The following GAD1 variants were observed in gnomAD, a reference collection of about 807,000 sequenced individuals.
The protein encoded by GAD1 is 67 kDa glutamic acid decarboxylase.
In GAD1, 35 loss-of-function variants were observed where a neutral mutation model predicts 75.2. The observed-to-expected ratio is 0.47, with a 90% confidence interval of 0.36 to 0.62. The LOEUF (loss-of-function observed/expected upper bound fraction) is 0.62, where lower values mean the gene tolerates loss of function less well. Among genes scored for constraint, GAD1 ranks in the 20% least tolerant of loss-of-function variants. The probability of loss-of-function intolerance (pLI) is 0.00; values close to 1 mark genes in which losing one functional copy is unlikely to be tolerated. For synonymous variants in GAD1, 257 were observed against 271.9 expected (o/e 0.95, Z 0.54); for missense variants, 490 against 758.5 (o/e 0.65, Z 4.16).
intron 12 of GAD1, among the ~76,000 whole-genome samples, chr2:170,851,133 A>G (rs1303451752): frequency 1.3e-5 from 2 of 152,182 alleles, no homozygotes; most frequent in Non-Finnish European, 2.9e-5. Context: ...TTCACACTAG[A>G]CTTTTTCTTT....
chr2:170,849,059 C>G (rs1702696986), intron 11 of GAD1: 1 of 605,278 alleles, frequency 1.7e-6, no homozygotes, highest in South Asian at 1.8e-5. Flanking sequence ...CCTGGCCTAG[C>G]TGTATCACTT....
rs757631891 is a variant in GAD1, at chr2:170,836,772, G to A, written c.548-21G>A. 4 of 1,579,018 alleles carry A rather than the reference G, an allele frequency of 2.5e-6. No individual in the cohort carries two copies. In the South Asian group the frequency reaches 3.3e-5, roughly 13 times the overall value. On this transcript the variant is annotated intron_variant, in intron 5 of 16. Transcript: ENST00000358196. Reference sequence around the variant, plus strand: ...TTGAGAAATCTGCATTTGCCTTGATGCTTTTCTGTTTCCTATCTAGGTCAT... The same window carrying A: ...TTGAGAAATCTGCATTTGCCTTGATACTTTTCTGTTTCCTATCTAGGTCAT...
Position 170,818,142 on chromosome 2 carries a change from C to T in GAD1, c.-63-387C>T, listed in dbSNP as rs967394083. ...GTGCCCAATGGGGCTTGTAGCGGCT[C>T]GGCTGGAAAATCGCTCACTGAGCGC... On this transcript the variant is annotated intron_variant, in intron 1 of 16. Transcript: ENST00000358196. The surrounding 1 kb of genome is among the most constrained non-coding windows in gnomAD (Gnocchi z 5.9). 5.0e-5 allele frequency: 9 copies of T among 178,940 alleles called. No homozygotes were observed. In the East Asian group the frequency reaches 8.3e-4, roughly 17 times the overall value. The allele number at this position is 178,940 out of a possible 1,614,324, so 11.1% of individuals were successfully genotyped here.
At chr2:170,834,404 T>C (rs1229769033) in intron 5 of GAD1, among the ~76,000 whole-genome samples, 1 of 152,188 alleles carries the variant, frequency 6.6e-6, no homozygotes, top group African/African-American at 2.4e-5. Flanking sequence ...CCGGGTATAG[T>C]CTGTGAAGAG....
chr2:170,857,027 G>A lies in GAD1; in HGVS notation c.1423G>A (p.Gly475Arg). ...WLMWKAKGTV[G>R]FENQINKCLE... ...TTTCTCTTTAAAACAGGGCACAGTG[G>A]GATTTGAAAACCAGATCAACAAATG... Residue 475 changes from glycine (G) to arginine (R), a missense_variant, in exon 15 of 17, where the codon GGA becomes AGA. Physicochemically the swap from Gly to Arg is moderately radical, Grantham distance 125. Coordinates refer to ENST00000358196, the MANE Select transcript of GAD1 (RefSeq NM_000817.3). The A allele has an allele frequency of 4.3e-6, 7 of 1,613,634 alleles. No homozygotes were observed. The highest frequency in any genetic ancestry group is 5.9e-6 in the Non-Finnish European group (7 of 1,179,712).
chr2:170,848,601 T>G (rs545283198), intron 11 of GAD1: 17 of 461,890 alleles, frequency 3.7e-5, no homozygotes, highest in Non-Finnish European at 6.5e-5. Context: ...ATCCCAAATC[T>G]TCCCAGGAAC....
intron 5 of GAD1, among the ~76,000 whole-genome samples, chr2:170,835,363 C>A (rs759214662): frequency 1.3e-5 from 2 of 152,086 alleles, no homozygotes; most frequent in Non-Finnish European, 2.9e-5. Flanking sequence ...AAAAATAATT[C>A]TTTCCTTCTC....
At chr2:170,828,975 TTCCTCCCTCAGCTGTCCTCACCTCTCC>T (rs1702143786) in intron 3 of GAD1, 1 of 212,588 alleles carries the variant, frequency 4.7e-6, no homozygotes, top group South Asian at 6.2e-5. Flanking sequence ...TATCCTCATC[TTCCTCCCTCAGCTGTCCTCACCTCTCC>T]TCCTCCCTCT....
chr2:170,818,967 G>A lies in GAD1; in HGVS notation c.82+294G>A, dbSNP rs1189255796. Among the ~76,000 whole-genome samples the A allele has an allele frequency of 6.6e-6, 1 of 152,166 alleles. No homozygotes were observed. Among genetic ancestry groups the A allele is most frequent in the Non-Finnish European group, 1.5e-5 (1 of 68,032 alleles). ...CAGGGTGTTGTTTTTATTCTGTTGT[G>A]TGTGGTTTCTTTGCTCCGTGGGACG... On this transcript the variant is annotated intron_variant, in intron 2 of 16. Coordinates refer to ENST00000358196, the MANE Select transcript of GAD1 (RefSeq NM_000817.3). This position sits in a 1 kb window ranked among gnomAD's most constrained non-coding sequence, Gnocchi z 5.9.
chr2:170,828,087 ACC>A (rs71008725), intron 3 of GAD1, among the ~76,000 whole-genome samples: 2 of 13,986 alleles, frequency 1.4e-4, no homozygotes, highest in African/African-American at 5.6e-4. Context: ...TGCTGTCCTC[ACC>A]CCTCCTCCTT....
chr2:170,848,036 T>C (rs1702671551), intron 11 of GAD1, among the ~76,000 whole-genome samples: 1 of 152,212 alleles, frequency 6.6e-6, no homozygotes, highest in South Asian at 2.1e-4. Flanking sequence ...TCCTAGAATA[T>C]GGTCTCATTG....
chr2:170,852,426 C>T (rs1411363894), intron 12 of GAD1: 1 of 443,382 alleles, frequency 2.3e-6, no homozygotes, highest in East Asian at 4.7e-5. Context: ...GAATTCTTAA[C>T]CATACCATAT....
intron 9 of GAD1, 104 bp downstream of exon 9, chr2:170,845,889 G>T: frequency 6.9e-7 from 1 of 1,439,736 alleles, no homozygotes; most frequent in Non-Finnish European, 9.8e-7. Flanking sequence ...ATTGTGCCAA[G>T]CTGCTAATGG....
chr2:170,829,057 A>G (rs1484271406), intron 3 of GAD1: 1 of 296,804 alleles, frequency 3.4e-6, no homozygotes, highest in South Asian at 3.1e-5. Flanking sequence ...CTCTCCTCCT[A>G]CCTCTGCTGT....
In GAD1 at chr2:170,831,167, C is replaced by T. The variant is rs1359138741; in HGVS notation, c.522C>T (p.Asp174=). The T allele has an allele frequency of 3.1e-6, 5 of 1,614,056 alleles. No homozygotes were observed. Among genetic ancestry groups the T allele is most frequent in the African/African-American group, 1.3e-5 (1 of 74,932 alleles). Residue 174 remains aspartate, a synonymous_variant, in exon 5 of 17, where the codon GAC becomes GAT. Transcript: ENST00000358196. Reference sequence around the variant, plus strand: ...AGCAGATCCTGGTTGACTGCAGAGACACCTTGAAGTATGGGGTTCGCACAG... The same window carrying T: ...AGCAGATCCTGGTTGACTGCAGAGATACCTTGAAGTATGGGGTTCGCACAG... The part of the protein sequence containing the change: ...SLEQILVDCR[D]TLKYGVRTGH...
At chr2:170,848,221 G>A (rs1702675092) in intron 11 of GAD1, among the ~76,000 whole-genome samples, 1 of 152,210 alleles carries the variant, frequency 6.6e-6, no homozygotes, top group African/African-American at 2.4e-5. Flanking sequence ...TATCTGGCTG[G>A]GCGCGGTGGC....
In GAD1 at chr2:170,821,966, G is replaced by A. The variant is rs1575423561; in HGVS notation, c.83-121G>A. 8.2e-6 allele frequency: 7 copies of A among 857,636 alleles called. No individual in the cohort carries two copies. In the East Asian group the frequency reaches 1.9e-4, roughly 23 times the overall value. The allele number at this position is 857,636 out of a possible 1,614,324, so 53.1% of individuals were successfully genotyped here. ...GGCTCCTAGCTCCTTTCAGGAAGTA[G>A]CTTTTAATGAAGAGCTCTGGCAAAG... On this transcript the variant is annotated intron_variant, in intron 2 of 16. Coordinates refer to ENST00000358196, the MANE Select transcript of GAD1 (RefSeq NM_000817.3).
intron 10 of GAD1, 70 bp downstream of exon 10, chr2:170,846,133 C>T (rs144180679): frequency 1.6e-6 from 2 of 1,255,222 alleles, no homozygotes; most frequent in Non-Finnish European, 2.3e-6. Context: ...CAAAAACAGT[C>T]CTTGATAATA....
upstream of GAD1, among the ~76,000 whole-genome samples, chr2:170,814,425 C>T (rs1316893921): frequency 6.6e-6 from 1 of 152,138 alleles, no homozygotes; most frequent in East Asian, 1.9e-4. Context: ...GAGTGGAATT[C>T]CAGGCCTTCA....
Sources: allele counts gnomAD v4.1 joint callset (sites outside exome capture counted in the v4.1 genomes callset), GRCh38; gene constraint gnomAD v4.1.1; non-coding constraint Gnocchi (gnomAD v3.1); transcripts MANE v1.5; gene names NCBI Gene and HGNC (gene_info 2026-07-23, HGNC 2026-07-21).